Variants in TMEM108 observed in about 807,000 individuals in gnomAD.
The protein encoded by TMEM108 is cancer/testis antigen 124.
A neutral mutation model predicts 35.1 loss-of-function variants in TMEM108; 12 were observed. The observed-to-expected ratio is 0.34, with a 90% CI of 0.22 to 0.55. The LOEUF is 0.55. TMEM108 is among the 20% of genes least tolerant of loss of function. TMEM108 has a pLI of 0.89. For synonymous variants in TMEM108, 287 were observed against 308.6 expected, an observed-to-expected ratio of 0.93 and a Z score of 0.73; for missense variants, 680 against 753.3, an observed-to-expected ratio of 0.90 and a Z score of 1.14.
At chr3:133,094,611 G>A (rs1238637288) in intron 2 of TMEM108, among the ~76,000 whole-genome samples, 1 of 152,152 alleles carries the variant, frequency 6.6e-6, no homozygotes, top group African/African-American at 2.4e-5. Flanking sequence ...GCCAGCATAT[G>A]GCACCCAGTA....
At position 133,380,241 on chromosome 3, in the gene TMEM108, G is replaced by T. The variant is rs376909585; in HGVS notation, c.530G>T (p.Gly177Val). The change falls in exon 4 of 6, where the codon GGT (glycine) becomes GTT (valine). Residue 177 changes from glycine (G) to valine (V), a missense_variant. Gly to Val is a moderately radical substitution (Grantham distance 109). Transcript: ENST00000321871. The surrounding 1 kb of genome is among the most constrained non-coding windows in gnomAD (Gnocchi z 5.3). ...RPPGSSRKGA[G>V]NSSRPVPPAP... is the part of the protein sequence containing the mutation. ...CCAGGCTCTTCCCGAAAAGGGGCTG[G>T]TAATTCATCACGCCCTGTCCCGCCT... 1 of 1,613,758 alleles carries T rather than the reference G, an allele frequency of 6.2e-7. No individual in the cohort carries two copies. The highest frequency in any genetic ancestry group is 1.1e-5 in the South Asian group (1 of 91,052).
Position 133,396,164 on chromosome 3 carries a change from ACTTTAC to A in TMEM108, c.*179_*184del. The A allele has an allele frequency of 1.7e-5, 4 of 238,106 alleles. No homozygotes were observed. The highest frequency in any genetic ancestry group is 2.9e-5 in the Non-Finnish European group (4 of 138,102). The allele number at this position is 238,106 out of a possible 1,614,324, so 14.7% of individuals were successfully genotyped here. ...CAAGTGTGGTTTAAAAAAAAAAAAA[ACTTTAC>A]AGAATGATCTGTGGCTTTATAAAAT... On this transcript the variant is annotated 3_prime_UTR_variant, in exon 6 of 6. Coordinates refer to ENST00000321871, the MANE Select transcript of TMEM108 (RefSeq NM_023943.4).
At chr3:133,195,522 A>G (rs373572774) in intron 2 of TMEM108, among the ~76,000 whole-genome samples, 4 of 152,142 alleles carry the variant, frequency 2.6e-5, no homozygotes, top group East Asian at 1.9e-4. Flanking sequence ...AGCATACGGT[A>G]TTTCTGTTGT....
At chr3:133,353,526 G>A (rs2072069113) in intron 3 of TMEM108, among the ~76,000 whole-genome samples, 1 of 152,166 alleles carries the variant, frequency 6.6e-6, no homozygotes, top group Non-Finnish European at 1.5e-5. Context: ...CCCATGACAA[G>A]GACTGCTGTA....
rs60991711 is a variant in TMEM108 at position 133,342,555 on chromosome 3, T to TATATACAC, written c.41-37196_41-37195insTATACACA. Among the ~76,000 whole-genome samples the TATATACAC allele has an allele frequency of 4.6e-4, 29 of 63,402 alleles. 1 individual carries two copies. Among genetic ancestry groups the TATATACAC allele is most frequent in the East Asian group, 6.4e-4 (2 of 3,112 alleles). The allele number at this position is 63,402 out of a possible 152,430, so 41.6% of individuals were successfully genotyped here. ...AAAAAGAAAATGTGGTATATATATA[T>TATATACAC]ACACACACACACACAATGGAGTACT... On this transcript the variant is annotated intron_variant, in intron 3 of 5. Transcript: ENST00000321871.
chr3:133,283,366 A>T (rs545024246), intron 3 of TMEM108, among the ~76,000 whole-genome samples: 1 of 152,336 alleles, frequency 6.6e-6, no homozygotes, highest in East Asian at 1.9e-4. Flanking sequence ...CATGTATTCC[A>T]TCCTGGACAA....
chr3:133,206,242 A>T (rs1945751514), intron 2 of TMEM108, among the ~76,000 whole-genome samples: 1 of 152,220 alleles, frequency 6.6e-6, no homozygotes, highest in African/African-American at 2.4e-5. Context: ...TTGGGTTAGA[A>T]CATGCTCCTT....
intron 3 of TMEM108, among the ~76,000 whole-genome samples, chr3:133,235,508 T>G (rs1444457652): frequency 6.6e-6 from 1 of 152,138 alleles, no homozygotes; most frequent in Non-Finnish European, 1.5e-5. Context: ...GGGGAAAGTT[T>G]TACCACTTTC....
intron 3 of TMEM108, among the ~76,000 whole-genome samples, chr3:133,342,544 G>GTATGTATATATATATATATATATA (rs2071689733): frequency 2.1e-5 from 1 of 46,640 alleles, no homozygotes; most frequent in African/African-American, 9.2e-5. Flanking sequence ...AGAAAATGTG[G>GTATGTATATATATATATATATATA]TATATATATA....
At chr3:133,180,100 A>G (rs558639920) in intron 2 of TMEM108, among the ~76,000 whole-genome samples, 216 of 152,292 alleles carry the variant, frequency 1.4e-3, no homozygotes, top group Admixed American at 2.7e-3. Flanking sequence ...GTTTATCACT[A>G]GTTACTAAAT....
rs578231151 is a variant in TMEM108 at position 133,047,894 on chromosome 3, G to A, written c.-47+1874G>A. 7.2e-5 allele frequency among the ~76,000 whole-genome samples: 11 copies of A among 152,198 alleles called. No individual in the cohort carries two copies. The South Asian group carries it at 8.3e-4, about 12-fold the overall frequency. ...CTGTCATTTCTAAGAAGCGATATTC[G>A]TCTTCCCAAATTTCTAGGACCCAAG... On this transcript the variant is annotated intron_variant, in intron 2 of 5. Coordinates refer to ENST00000321871, the MANE Select transcript of TMEM108 (RefSeq NM_023943.4).
chr3:133,213,524 A>T (rs538285624), intron 2 of TMEM108, among the ~76,000 whole-genome samples: 1 of 152,228 alleles, frequency 6.6e-6, no homozygotes, highest in African/African-American at 2.4e-5. Context: ...TTCATATTCT[A>T]TAAAACTGCT....
intron 2 of TMEM108, among the ~76,000 whole-genome samples, chr3:133,062,330 T>G (rs902957581): frequency 1.3e-5 from 2 of 152,246 alleles, no homozygotes; most frequent in Non-Finnish European, 2.9e-5. Context: ...ATCTTTATTG[T>G]AATTTTCTTT....
chr3:133,245,280 G>A (rs1003352628), intron 3 of TMEM108, among the ~76,000 whole-genome samples: 2 of 152,138 alleles, frequency 1.3e-5, no homozygotes, highest in Non-Finnish European at 2.9e-5. Context: ...AGTGCAGTGT[G>A]CATGCTAGGA....
At chr3:133,338,644 A>G (rs1235208474) in intron 3 of TMEM108, among the ~76,000 whole-genome samples, 2 of 151,904 alleles carry the variant, frequency 1.3e-5, no homozygotes, top group East Asian at 3.8e-4. Flanking sequence ...GTAAGTACAC[A>G]GAAAAACAGA....
At chr3:133,256,612 C>G (rs1416195683) in intron 3 of TMEM108, among the ~76,000 whole-genome samples, 1 of 152,074 alleles carries the variant, frequency 6.6e-6, no homozygotes, top group Non-Finnish European at 1.5e-5. Flanking sequence ...TAGGCATAGT[C>G]AAGTTTTAGT....
intron 2 of TMEM108, 58 bp downstream of exon 2, chr3:133,046,078 A>G (rs755302080): frequency 3.3e-5 from 5 of 152,546 alleles, no homozygotes; most frequent in Non-Finnish European, 5.9e-5. Flanking sequence ...CATAGAGGCT[A>G]TTGTCTCACC....
At chr3:133,287,076 A>G (rs1946995913) in intron 3 of TMEM108, among the ~76,000 whole-genome samples, 2 of 152,158 alleles carry the variant, frequency 1.3e-5, no homozygotes, top group African/African-American at 4.8e-5. Flanking sequence ...GACAAGTAGG[A>G]GGCTCAGGTC....
intron 3 of TMEM108, among the ~76,000 whole-genome samples, chr3:133,270,852 C>T (rs1489517656): frequency 6.6e-6 from 1 of 151,772 alleles, no homozygotes; most frequent in African/African-American, 2.4e-5. Flanking sequence ...CACCCCTACC[C>T]CTCCAGGCTC....
Sources: allele counts gnomAD v4.1 joint callset (sites outside exome capture counted in the v4.1 genomes callset), GRCh38; gene constraint gnomAD v4.1.1; non-coding constraint Gnocchi (gnomAD v3.1); transcripts MANE v1.5; gene names NCBI Gene and HGNC (gene_info 2026-07-23, HGNC 2026-07-21).